Variants in PABPC4L observed in about 807,000 individuals in gnomAD.
The protein encoded by PABPC4L is polyadenylate-binding protein 4-like.
For missense variants in PABPC4L, 452 were observed against 451.4 expected (o/e 1.00, Z -0.01); for synonymous variants, 169 against 164.1 (o/e 1.03, Z -0.23).
the PABPC4L span, among the ~76,000 whole-genome samples, chr4:133,953,062 G>A: frequency 6.6e-6 from 1 of 152,164 alleles, no homozygotes; most frequent in South Asian, 2.1e-4. Context: ...GGTTCCTGGT[G>A]GGACCTGCTC....
chr4:133,955,626 T>C, the PABPC4L span, among the ~76,000 whole-genome samples: 1 of 152,184 alleles, frequency 6.6e-6, no homozygotes, highest in Non-Finnish European at 1.5e-5. Flanking sequence ...AGAGAAAAAT[T>C]ACATTTTGTA....
chr4:134,072,194 G>A, the PABPC4L span, among the ~76,000 whole-genome samples: 3 of 152,032 alleles, frequency 2.0e-5, no homozygotes, highest in African/African-American at 2.4e-5. Context: ...CCTATCAAAT[G>A]CATTGTCCCA....
At chr4:134,138,854 C>T in the PABPC4L span, among the ~76,000 whole-genome samples, 2 of 151,794 alleles carry the variant, frequency 1.3e-5, no homozygotes, top group African/African-American at 2.4e-5. Context: ...GCTTTGTGCT[C>T]ATACTACAAC....
chr4:134,130,521 A>G, the PABPC4L span, among the ~76,000 whole-genome samples: 1 of 152,202 alleles, frequency 6.6e-6, no homozygotes, highest in South Asian at 2.1e-4. Flanking sequence ...CAAGTGCAAG[A>G]TTGAAATGGT....
At chr4:133,957,979 G>T in the PABPC4L span, among the ~76,000 whole-genome samples, 196 of 152,218 alleles carry the variant, frequency 1.3e-3, 3 homozygotes, top group African/African-American at 4.5e-3. Flanking sequence ...GTGATGAGAG[G>T]GGTTGCCATG....
At chr4:134,122,890 A>G in the PABPC4L span, among the ~76,000 whole-genome samples, 1 of 151,954 alleles carries the variant, frequency 6.6e-6, no homozygotes, top group Admixed American at 6.6e-5. Flanking sequence ...ATATACATAT[A>G]TTAACTATTT....
At chr4:134,041,224 G>T in the PABPC4L span, among the ~76,000 whole-genome samples, 2 of 152,050 alleles carry the variant, frequency 1.3e-5, no homozygotes, top group African/African-American at 4.8e-5. Context: ...TCATTACTGG[G>T]TATATACCCA....
At chr4:133,977,645 C>A in the PABPC4L span, among the ~76,000 whole-genome samples, 2 of 152,020 alleles carry the variant, frequency 1.3e-5, no homozygotes, top group African/African-American at 4.8e-5. Context: ...TAGCTGTATT[C>A]CTAGGTATTT....
At chr4:133,956,722 T>G in the PABPC4L span, among the ~76,000 whole-genome samples, 1 of 152,188 alleles carries the variant, frequency 6.6e-6, no homozygotes, top group Non-Finnish European at 1.5e-5. Flanking sequence ...TTTAATTGAC[T>G]CACAGTTCCA....
the PABPC4L span, among the ~76,000 whole-genome samples, chr4:133,984,684 C>G: frequency 0.35 from 53,201 of 151,570 alleles, 9,733 homozygotes; most frequent in Admixed American, 0.47. Flanking sequence ...TCTCTGGGTA[C>G]AATAGATCAT....
At chr4:134,180,030 C>A in the PABPC4L span, among the ~76,000 whole-genome samples, 23 of 152,106 alleles carry the variant, frequency 1.5e-4, no homozygotes, top group Non-Finnish European at 3.2e-4. Context: ...CTGAACTCCA[C>A]ACCAGACAAA....
chr4:134,166,316 T>C, the PABPC4L span, among the ~76,000 whole-genome samples: 2 of 152,250 alleles, frequency 1.3e-5, no homozygotes, highest in South Asian at 4.1e-4. Flanking sequence ...AGATAGATGA[T>C]AGATAAATAG....
the PABPC4L span, among the ~76,000 whole-genome samples, chr4:134,076,130 T>C: frequency 2.0e-5 from 3 of 152,118 alleles, no homozygotes; most frequent in African/African-American, 2.4e-5. Context: ...GAATGACTTC[T>C]TGTTGAAGAT....
At chr4:134,077,518 A>G in the PABPC4L span, among the ~76,000 whole-genome samples, 3 of 152,186 alleles carry the variant, frequency 2.0e-5, no homozygotes, top group Non-Finnish European at 2.9e-5. Flanking sequence ...GTGGGTTAAC[A>G]TCATTGGGTG....
At chr4:134,055,935 T>A in the PABPC4L span, among the ~76,000 whole-genome samples, 1 of 152,040 alleles carries the variant, frequency 6.6e-6, no homozygotes, top group Non-Finnish European at 1.5e-5. Context: ...TTTTAAAGTG[T>A]CAAAGTTCTG....
chr4:134,050,296 C>T, the PABPC4L span, among the ~76,000 whole-genome samples: 1 of 152,002 alleles, frequency 6.6e-6, no homozygotes, highest in Admixed American at 6.6e-5. Context: ...TACCACAAGC[C>T]CCATCTGAAA....
At chr4:134,033,326 C>T in the PABPC4L span, among the ~76,000 whole-genome samples, 1 of 151,908 alleles carries the variant, frequency 6.6e-6, no homozygotes, top group East Asian at 1.9e-4. Context: ...TCCCTTTCCT[C>T]TAGCCTCCCC....
At chr4:134,140,241 C>A in the PABPC4L span, among the ~76,000 whole-genome samples, 2 of 151,652 alleles carry the variant, frequency 1.3e-5, no homozygotes, top group Admixed American at 6.6e-5. Context: ...CACACACACA[C>A]AAAGTAACTA....
At chr4:134,151,687 A>C in the PABPC4L span, among the ~76,000 whole-genome samples, 1 of 152,014 alleles carries the variant, frequency 6.6e-6, no homozygotes, top group Non-Finnish European at 1.5e-5. Context: ...AAATAAAGAG[A>C]ATAGAATTAA....
Sources: gnomAD v4.1 joint callset for allele counts (sites outside exome capture counted in the v4.1 genomes callset) on GRCh38, gnomAD v4.1.1 for gene constraint, MANE v1.5 for transcripts, NCBI Gene and HGNC (gene_info 2026-07-23, HGNC 2026-07-21) for gene names.